The following CCDC148 variants were observed in gnomAD, a reference collection of about 807,000 sequenced individuals.
CCDC148 encodes the protein coiled-coil domain containing 148, also known as coiled-coil domain-containing protein 148.
A neutral mutation model predicts 85.7 loss-of-function variants in CCDC148; 89 were observed. That is an observed-to-expected ratio of 1.04 (90% CI 0.87 to 1.24). The LOEUF (loss-of-function observed/expected upper bound fraction) is 1.24. CCDC148 is among the 50% of genes most tolerant of loss of function. The pLI, the probability that CCDC148 is intolerant of heterozygous loss-of-function variation, is 0.00. For missense variants in CCDC148, 692 were observed against 671.7 expected, an observed-to-expected ratio of 1.03 and a Z score of -0.33; for synonymous variants, 230 against 213.9, an observed-to-expected ratio of 1.08 and a Z score of -0.66.
At chr2:158,419,407 C>T (rs556539372) in intron 1 of CCDC148, among the ~76,000 whole-genome samples, 2 of 152,226 alleles carry the variant, frequency 1.3e-5, no homozygotes, top group South Asian at 2.1e-4. Flanking sequence ...GAAGTCAGCT[C>T]TCAATTTTCC....
chr2:158,179,106 A>ATTTT, intron 11 of CCDC148, 110 bp from the exon 12 acceptor site: 1 of 465,074 alleles, frequency 2.2e-6, no homozygotes, highest in Non-Finnish European at 3.6e-6. Flanking sequence ...GCACTGTCAC[A>ATTTT]TTTTTTTTTT....
chr2:158,435,596 C>A (rs1395148964), intron 1 of CCDC148, among the ~76,000 whole-genome samples: 1 of 152,170 alleles, frequency 6.6e-6, no homozygotes, highest in African/African-American at 2.4e-5. Flanking sequence ...CAGCTAACAT[C>A]ATAATGACAG....
At chr2:158,444,739 T>G (rs1688084914) in intron 1 of CCDC148, among the ~76,000 whole-genome samples, 1 of 144,710 alleles carries the variant, frequency 6.9e-6, no homozygotes, top group Admixed American at 7.2e-5. Context: ...GAGCTGAGAT[T>G]TAGCCACTGC....
At chr2:158,372,173 T>C (rs1247287331) in intron 1 of CCDC148, among the ~76,000 whole-genome samples, 1 of 151,926 alleles carries the variant, frequency 6.6e-6, no homozygotes, top group Non-Finnish European at 1.5e-5. Flanking sequence ...TTTTAATAAT[T>C]CCAAAACCCC....
chr2:158,302,778 A>AT (rs1356686243), intron 9 of CCDC148, among the ~76,000 whole-genome samples: 1 of 120,122 alleles, frequency 8.3e-6, no homozygotes, highest in African/African-American at 2.9e-5. Flanking sequence ...GTGAGACTCC[A>AT]TAAAAAAAAA....
intron 1 of CCDC148, among the ~76,000 whole-genome samples, chr2:158,442,728 C>G (rs1274388601): frequency 1.3e-5 from 2 of 152,256 alleles, no homozygotes; most frequent in Non-Finnish European, 2.9e-5. Context: ...CCAGCCTGCG[C>G]TGAAGTCACT....
Position 158,424,008 on chromosome 2 carries a change from C to T in CCDC148, c.25+32407G>A, listed in dbSNP as rs1209279475. Among the ~76,000 whole-genome samples, 13 of 152,128 alleles carry T rather than the reference C, an allele frequency of 8.5e-5. No individual in the cohort carries two copies. The East Asian group carries it at 2.5e-3, about 29-fold the overall frequency. On this transcript the variant is annotated intron_variant, in intron 1 of 13. Coordinates refer to ENST00000283233, the MANE Select transcript of CCDC148 (RefSeq NM_138803.4). Reference sequence around the variant, plus strand: ...CCATCATAGAAATGCAAATCAAAACCACAATGAGATACTATCTCACACCAG... The same window carrying T: ...CCATCATAGAAATGCAAATCAAAACTACAATGAGATACTATCTCACACCAG...
intron 10 of CCDC148, among the ~76,000 whole-genome samples, chr2:158,241,832 T>C (rs1688364554): frequency 6.6e-6 from 1 of 152,156 alleles, no homozygotes; most frequent in South Asian, 2.1e-4. Context: ...AAGGTGACTT[T>C]GGGATTTCAA....
chr2:158,432,921 A>T (rs1201823369), intron 1 of CCDC148, among the ~76,000 whole-genome samples: 5 of 151,422 alleles, frequency 3.3e-5, no homozygotes, highest in Non-Finnish European at 7.4e-5. Flanking sequence ...TGATGCCTCA[A>T]ATCATACACA....
At chr2:158,283,339 G>A (rs1303102091) in intron 9 of CCDC148, among the ~76,000 whole-genome samples, 2 of 152,166 alleles carry the variant, frequency 1.3e-5, no homozygotes, top group Non-Finnish European at 2.9e-5. Flanking sequence ...AGAGTGAACA[G>A]GCAACCTACA....
At chr2:158,345,997 T>C (rs1431153713) in intron 2 of CCDC148, among the ~76,000 whole-genome samples, 3 of 152,244 alleles carry the variant, frequency 2.0e-5, no homozygotes, top group Non-Finnish European at 2.9e-5. Flanking sequence ...TAAAGAAATA[T>C]GAAAAATCAT....
intron 11 of CCDC148, among the ~76,000 whole-genome samples, chr2:158,187,058 C>A (rs577719200): frequency 1.3e-5 from 2 of 152,156 alleles, no homozygotes; most frequent in East Asian, 3.9e-4. Flanking sequence ...ATTCTCTCCC[C>A]AGCTGCTTGA....
chr2:158,356,434 A>G (rs988032515), intron 2 of CCDC148, among the ~76,000 whole-genome samples: 7 of 148,446 alleles, frequency 4.7e-5, no homozygotes, highest in African/African-American at 1.5e-4. Context: ...ATGAACAGAC[A>G]CTTCTCAAAA....
chr2:158,357,464 A>C (rs13388428), intron 2 of CCDC148, among the ~76,000 whole-genome samples: 26,990 of 152,040 alleles, frequency 0.18, 3,938 homozygotes, highest in African/African-American at 0.4. Context: ...GAGAAAAATA[A>C]AATATGTATT....
chr2:158,268,391 T>C (rs1249265259), intron 9 of CCDC148, among the ~76,000 whole-genome samples: 2 of 152,158 alleles, frequency 1.3e-5, no homozygotes, highest in Non-Finnish European at 2.9e-5. Flanking sequence ...TATTAGCTGA[T>C]AAATCAAACA....
At chr2:158,374,051 G>T (rs1290213828) in intron 1 of CCDC148, among the ~76,000 whole-genome samples, 1 of 152,048 alleles carries the variant, frequency 6.6e-6, no homozygotes, top group Non-Finnish European at 1.5e-5. Context: ...CAAACATATA[G>T]TTTTCACCTG....
chr2:158,225,507 T>A lies in CCDC148; in HGVS notation c.1252-4794A>T, dbSNP rs1193450321. 3.9e-5 allele frequency among the ~76,000 whole-genome samples: 6 copies of A among 152,298 alleles called. No individual in the cohort carries two copies. In the East Asian group the frequency reaches 1.2e-3, roughly 29 times the overall value. ...CCCAAATCAACAGAATATACATTCT[T>A]CTCAGCACCACACCACACTTATTTC... is the stretch of plus-strand genomic sequence containing the variant. On this transcript the variant is annotated intron_variant, in intron 10 of 13. Transcript: ENST00000283233.
intron 1 of CCDC148, among the ~76,000 whole-genome samples, chr2:158,373,586 C>T (rs900845376): frequency 6.6e-6 from 1 of 152,016 alleles, no homozygotes; most frequent in Non-Finnish European, 1.5e-5. Context: ...TTTCCTTTCC[C>T]TTGTACTACT....
intron 10 of CCDC148, among the ~76,000 whole-genome samples, chr2:158,222,318 A>G (rs1687228018): frequency 6.6e-6 from 1 of 152,138 alleles, no homozygotes; most frequent in Non-Finnish European, 1.5e-5. Context: ...ACACCACTTG[A>G]TCACTTGATA....
Sources: allele counts gnomAD v4.1 joint callset (sites outside exome capture counted in the v4.1 genomes callset), GRCh38; gene constraint gnomAD v4.1.1; transcripts MANE v1.5; gene names NCBI Gene and HGNC (gene_info 2026-07-23, HGNC 2026-07-21).